STK40: variants seen among roughly 807,000 people sequenced by gnomAD.
The protein encoded by STK40 is serine/threonine kinase 40, also known as serine/threonine-protein kinase 40.
STK40 carries 13 observed loss-of-function variants against 47.9 expected under a neutral mutation model. The ratio of observed to expected loss-of-function variants is 0.27; its 90% confidence interval spans 0.18 to 0.43. The LOEUF (loss-of-function observed/expected upper bound fraction) is 0.43, where lower values mean the gene tolerates loss of function less well. Ranked by LOEUF, STK40 falls within the 20% of genes least tolerant of loss-of-function variation. STK40 has a pLI of 1.00. For missense variants in STK40, 460 were observed against 595.1 expected (o/e 0.77, Z 2.36); for synonymous variants, 225 against 243.2 (o/e 0.93, Z 0.69).
At position 36,381,122 on chromosome 1, in the gene STK40, C is replaced by T. The variant is rs1235632701; in HGVS notation, c.-9+4601G>A. 3.3e-5 allele frequency among the ~76,000 whole-genome samples: 5 copies of T among 152,154 alleles called. No individual in the cohort carries two copies. In the East Asian group the frequency reaches 5.8e-4, roughly 18 times the overall value. On this transcript the variant is annotated intron_variant, in intron 1 of 10. Coordinates refer to ENST00000373132, the MANE Select transcript of STK40 (RefSeq NM_001282547.2). Reference sequence around the variant, plus strand: ...TTCTTCTCAACCCTATTGCCTCTGCCCTGATCCAAGCCCCTCTCAGCCCTT... The same window carrying T: ...TTCTTCTCAACCCTATTGCCTCTGCTCTGATCCAAGCCCCTCTCAGCCCTT...
At chr1:36,358,940 C>T in intron 2 of STK40, 118 bp from the exon 3 acceptor site, 1 of 1,076,956 alleles carries the variant, frequency 9.3e-7, no homozygotes, top group Non-Finnish European at 1.4e-6. Flanking sequence ...CTCATGTGTA[C>T]TGGACTGACC....
intron 1 of STK40, chr1:36,366,130 G>A (rs1646899603): frequency 6.6e-6 from 1 of 152,310 alleles, no homozygotes; most frequent in South Asian, 2.1e-4. Context: ...CCAGGTCCCT[G>A]GAGACCACCA....
chr1:36,366,649 C>G (rs551308006), intron 1 of STK40, among the ~76,000 whole-genome samples: 1 of 152,208 alleles, frequency 6.6e-6, no homozygotes, highest in African/African-American at 2.4e-5. Flanking sequence ...CCCGGCTTCA[C>G]AGTGAGATCT....
chr1:36,360,307 C>G (rs558411195), intron 2 of STK40, among the ~76,000 whole-genome samples: 1 of 152,170 alleles, frequency 6.6e-6, no homozygotes, highest in Non-Finnish European at 1.5e-5. Context: ...TGGCTGCAAC[C>G]CTGACTATAA....
chr1:36,378,817 G>C (rs540067341), intron 1 of STK40, among the ~76,000 whole-genome samples: 1 of 152,248 alleles, frequency 6.6e-6, no homozygotes, highest in African/African-American at 2.4e-5. Context: ...CCAGGAGTCA[G>C]AAAAGAACAC....
chr1:36,352,340 C>A (rs1449258271), intron 6 of STK40, among the ~76,000 whole-genome samples: 1 of 152,200 alleles, frequency 6.6e-6, no homozygotes, highest in Non-Finnish European at 1.5e-5. Context: ...TATTACGCAG[C>A]CTCACACCCA....
intron 1 of STK40, among the ~76,000 whole-genome samples, chr1:36,363,947 C>T (rs767146176): frequency 3.3e-5 from 5 of 151,940 alleles, no homozygotes; most frequent in Admixed American, 1.3e-4. Context: ...GTCAGGAGAT[C>T]GAGACCATCC....
At chr1:36,361,157 C>A (rs1039432513) in intron 2 of STK40, 64 bp downstream of exon 2, 13 of 1,583,428 alleles carry the variant, frequency 8.2e-6, no homozygotes, top group South Asian at 3.4e-5. Flanking sequence ...TCAGATCATG[C>A]GAGCCAATGT....
At chr1:36,369,559 C>A (rs757231491) in intron 1 of STK40, among the ~76,000 whole-genome samples, 20 of 152,222 alleles carry the variant, frequency 1.3e-4, no homozygotes, top group Admixed American at 3.9e-4. Context: ...CCCCGCCCAA[C>A]TCTCCCTGGT....
chr1:36,345,993 T>TATATATATATATA (rs1255116115), intron 7 of STK40, among the ~76,000 whole-genome samples: 1 of 8,558 alleles, frequency 1.2e-4, no homozygotes, highest in Admixed American at 7.8e-4. Flanking sequence ...ATATATATAT[T>TATATATATATATA]TTTTTTTTTT....
Position 36,368,801 on chromosome 1 carries a change from CTG to C in STK40, c.-8-7463_-8-7462del, listed in dbSNP as rs566809816. On this transcript the variant is annotated intron_variant, in intron 1 of 10. Transcript: ENST00000373132. ...ACAACTGGTAAAATCTGAATATAGA[CTG>C]TTTATTAGATAATAGTATTGTATCA... Among the ~76,000 whole-genome samples the C allele has an allele frequency of 3.4e-4, 52 of 152,296 alleles. No individual in the cohort carries two copies. The South Asian group carries it at 6.4e-3, about 19-fold the overall frequency.
intron 1 of STK40, among the ~76,000 whole-genome samples, chr1:36,385,111 A>G (rs1199834182): frequency 6.6e-6 from 1 of 152,232 alleles, no homozygotes; most frequent in Admixed American, 6.5e-5. Flanking sequence ...AGGCGGGGCC[A>G]AGTGGCGTGG....
At chr1:36,363,850 A>T (rs1196649267) in intron 1 of STK40, among the ~76,000 whole-genome samples, 1 of 145,172 alleles carries the variant, frequency 6.9e-6, no homozygotes, top group Non-Finnish European at 1.5e-5. Flanking sequence ...AGTCACGCAC[A>T]TACAAGTATA....
intron 4 of STK40, among the ~76,000 whole-genome samples, chr1:36,357,861 C>T (rs541201734): frequency 6.6e-6 from 1 of 152,298 alleles, no homozygotes; most frequent in East Asian, 1.9e-4. Context: ...GTGATCTGCC[C>T]ACCTCGGCTT....
chr1:36,381,288 A>T (rs1194154934), intron 1 of STK40, among the ~76,000 whole-genome samples: 1 of 152,192 alleles, frequency 6.6e-6, no homozygotes, highest in Admixed American at 6.5e-5. Flanking sequence ...ACAAAATTCA[A>T]GCATCTGCGC....
chr1:36,345,005 G>C (rs76000775), intron 7 of STK40, among the ~76,000 whole-genome samples: 1 of 152,250 alleles, frequency 6.6e-6, no homozygotes, highest in African/African-American at 2.4e-5. Flanking sequence ...TGGCTGCTCA[G>C]TGGGCCCACA....
At chr1:36,346,324 C>G (rs1415844787) in intron 7 of STK40, among the ~76,000 whole-genome samples, 3 of 152,116 alleles carry the variant, frequency 2.0e-5, no homozygotes, top group African/African-American at 4.8e-5. Flanking sequence ...CCCTCAAGTA[C>G]TACTACTGCC....
At position 36,355,228 on chromosome 1, in the gene STK40, C is replaced by T. The variant is rs777336899; in HGVS notation, c.548G>A (p.Arg183His). Residue 183 changes from arginine to histidine, a missense_variant, in exon 5 of 11, where the codon CGC becomes CAC. Coordinates refer to ENST00000373132, the MANE Select transcript of STK40 (RefSeq NM_001282547.2). ...CACCTGGTGCAGGGCCTCCACCACG[C>T]GGACCACGTCGTAGAAGATTACCAC... Reference protein sequence around the residue: ...ETVVIFYDVVRVVEALHQKNI... With the variant: ...ETVVIFYDVVHVVEALHQKNI... 9.9e-6 allele frequency: 16 copies of T among 1,613,842 alleles called. No individual in the cohort carries two copies. The highest frequency in any genetic ancestry group is 6.7e-5 in the Admixed American group (4 of 59,990).
At chr1:36,358,657 T>C in intron 3 of STK40, 80 bp downstream of exon 3, 1 of 1,459,268 alleles carries the variant, frequency 6.9e-7, no homozygotes, top group Non-Finnish European at 9.6e-7. Flanking sequence ...ATGACGCAGG[T>C]GTGAAGGTGG....
Sources: allele counts gnomAD v4.1 joint callset (sites outside exome capture counted in the v4.1 genomes callset), GRCh38; gene constraint gnomAD v4.1.1; transcripts MANE v1.5; gene names NCBI Gene and HGNC (gene_info 2026-07-23, HGNC 2026-07-21).